Variants in LRRTM4 observed in about 807,000 individuals in gnomAD.
LRRTM4 encodes leucine rich repeat transmembrane neuronal 4.
LRRTM4 carries 25 observed loss-of-function variants against 47.6 expected under a neutral mutation model. The observed-to-expected ratio is 0.53, with a 90% CI of 0.38 to 0.73. The LOEUF (loss-of-function observed/expected upper bound fraction) is 0.73, where lower values mean the gene tolerates loss of function less well. Among genes scored for constraint, LRRTM4 ranks in the 30% least tolerant of loss-of-function variants. LRRTM4 has a pLI of 0.00. For synonymous variants in LRRTM4, 311 were observed against 269.5 expected, an observed-to-expected ratio of 1.15 and a Z score of -1.51; for missense variants, 638 against 713.4, an observed-to-expected ratio of 0.89 and a Z score of 1.20.
At chr2:76,955,266 G>T (rs756218045) in intron 3 of LRRTM4, among the ~76,000 whole-genome samples, 2 of 151,638 alleles carry the variant, frequency 1.3e-5, no homozygotes, top group Admixed American at 1.3e-4. Context: ...TAACTACAAC[G>T]ATTAAAATAG....
chr2:77,070,992 A>G (rs1680136762), intron 3 of LRRTM4, among the ~76,000 whole-genome samples: 1 of 152,176 alleles, frequency 6.6e-6, no homozygotes, highest in African/African-American at 2.4e-5. Context: ...TTGAATCCCA[A>G]GTTACCCTTG....
At chr2:77,315,704 C>T (rs1677598930) in intron 3 of LRRTM4, among the ~76,000 whole-genome samples, 1 of 152,042 alleles carries the variant, frequency 6.6e-6, no homozygotes, top group Non-Finnish European at 1.5e-5. Flanking sequence ...TCTCTCTCTG[C>T]CCTTTTGAGA....
chr2:77,313,118 G>A (rs761697999), intron 3 of LRRTM4, among the ~76,000 whole-genome samples: 24 of 152,136 alleles, frequency 1.6e-4, no homozygotes, highest in Non-Finnish European at 2.5e-4. Flanking sequence ...CTGGGACCTC[G>A]TGCTGGGATG....
At chr2:77,032,575 C>G (rs1310015490) in intron 3 of LRRTM4, among the ~76,000 whole-genome samples, 4 of 151,928 alleles carry the variant, frequency 2.6e-5, no homozygotes, top group Admixed American at 2.0e-4. Context: ...TGAAAAAAAG[C>G]TGGACTAATT....
chr2:76,822,756 T>A (rs1671088897), intron 3 of LRRTM4, among the ~76,000 whole-genome samples: 1 of 151,298 alleles, frequency 6.6e-6, no homozygotes, highest in Non-Finnish European at 1.5e-5. Flanking sequence ...TGAAAGGAGG[T>A]TGTACCTCTA....
chr2:77,133,640 A>G (rs887579373), intron 3 of LRRTM4, among the ~76,000 whole-genome samples: 1 of 152,184 alleles, frequency 6.6e-6, no homozygotes, highest in Non-Finnish European at 1.5e-5. Context: ...TAGTTGTGTC[A>G]TACTAAATTA....
chr2:76,903,388 T>A, intron 3 of LRRTM4, among the ~76,000 whole-genome samples: 1 of 151,786 alleles, frequency 6.6e-6, no homozygotes, highest in South Asian at 2.1e-4. Flanking sequence ...TACAAAAATT[T>A]AGCCAGGTGT....
intron 3 of LRRTM4, among the ~76,000 whole-genome samples, chr2:77,388,521 G>C (rs1386642023): frequency 6.6e-6 from 1 of 152,038 alleles, no homozygotes; most frequent in African/African-American, 2.4e-5. Context: ...CAATTGTGTT[G>C]CAGTTAAATG....
chr2:76,780,337 A>G (rs942381879), intron 3 of LRRTM4, among the ~76,000 whole-genome samples: 1 of 152,098 alleles, frequency 6.6e-6, no homozygotes, highest in Admixed American at 6.5e-5. Flanking sequence ...GTTCTCCTGG[A>G]TAATCTCCTG....
chr2:77,162,711 G>C (rs1672765168), intron 3 of LRRTM4, among the ~76,000 whole-genome samples: 1 of 152,146 alleles, frequency 6.6e-6, no homozygotes, highest in African/African-American at 2.4e-5. Flanking sequence ...GGCAAACAGG[G>C]TCTGGAGTGG....
chr2:76,795,685 T>A (rs1395260146), intron 3 of LRRTM4, among the ~76,000 whole-genome samples: 2 of 152,102 alleles, frequency 1.3e-5, no homozygotes, highest in African/African-American at 2.4e-5. Flanking sequence ...ATGAACATGA[T>A]GGGAATGTAG....
intron 3 of LRRTM4, among the ~76,000 whole-genome samples, chr2:77,235,459 C>G (rs1326125582): frequency 6.6e-6 from 1 of 151,766 alleles, no homozygotes; most frequent in African/African-American, 2.4e-5. Flanking sequence ...AGTTGTGAAT[C>G]TGTTCTGGTG....
At chr2:77,156,707 CTTTTT>C (rs550760078) in intron 3 of LRRTM4, among the ~76,000 whole-genome samples, 2 of 136,156 alleles carry the variant, frequency 1.5e-5, no homozygotes. Flanking sequence ...GAGCCTTCAA[CTTTTT>C]TTTTTTTTTT....
chr2:76,907,473 G>A (rs1203321120), intron 3 of LRRTM4, among the ~76,000 whole-genome samples: 3 of 147,254 alleles, frequency 2.0e-5, no homozygotes, highest in Admixed American at 6.9e-5. Context: ...GCTAGCAGAA[G>A]GCAAGAAATA....
chr2:76,907,467 G>T (rs956927693), intron 3 of LRRTM4, among the ~76,000 whole-genome samples: 3 of 148,340 alleles, frequency 2.0e-5, no homozygotes, highest in Non-Finnish European at 4.5e-5. Flanking sequence ...TCAAAAGCTA[G>T]CAGAAGGCAA....
At chr2:76,905,515 G>A (rs1166093277) in intron 3 of LRRTM4, among the ~76,000 whole-genome samples, 1 of 152,282 alleles carries the variant, frequency 6.6e-6, no homozygotes. Flanking sequence ...ACTTTGACGA[G>A]TTGAGAGAAG....
At chr2:76,900,872 G>A (rs1275114628) in intron 3 of LRRTM4, among the ~76,000 whole-genome samples, 2 of 152,022 alleles carry the variant, frequency 1.3e-5, no homozygotes, top group Non-Finnish European at 2.9e-5. Flanking sequence ...AACACTCATT[G>A]GATTGAATAA....
chr2:77,068,387 T>C (rs1402603465), intron 3 of LRRTM4, among the ~76,000 whole-genome samples: 1 of 152,138 alleles, frequency 6.6e-6, no homozygotes, highest in Non-Finnish European at 1.5e-5. Context: ...AGTTATACTA[T>C]CACCACTGTC....
rs1673003496 is a variant in LRRTM4, at chr2:76,755,662, A to G, written c.1552-6746T>C. On this transcript the variant is annotated intron_variant, in intron 3 of 3. Transcript: ENST00000409884. ...GGCTGGTAAAGAAGGAGAAAAATGC[A>G]GAGTTTTGAGCAGTTCCCTGAACCT... Among the ~76,000 whole-genome samples the G allele has an allele frequency of 2.6e-5, 4 of 152,290 alleles. 1 individual carries two copies. In the South Asian group the frequency reaches 8.3e-4, roughly 32 times the overall value.
Sources: allele counts gnomAD v4.1 joint callset (sites outside exome capture counted in the v4.1 genomes callset), GRCh38; gene constraint gnomAD v4.1.1; transcripts MANE v1.5; gene names NCBI Gene and HGNC (gene_info 2026-07-23, HGNC 2026-07-21).